MYO16: variants seen among roughly 807,000 people sequenced by gnomAD.
The protein encoded by MYO16 is unconventional myosin-XVI.
In MYO16, 94 loss-of-function variants were observed where a neutral mutation model predicts 205.3. The ratio of observed to expected loss-of-function variants is 0.46; its 90% CI spans 0.39 to 0.54. The LOEUF is 0.54. Ranked by LOEUF, MYO16 falls within the 20% of genes least tolerant of loss-of-function variation. The pLI is 0.00. For synonymous variants in MYO16, 988 were observed against 954.0 expected, an observed-to-expected ratio of 1.04 and a Z score of -0.66; for missense variants, 2,315 against 2,387.5, an observed-to-expected ratio of 0.97 and a Z score of 0.63.
chr13:108,835,305 C>A (rs984213684), intron 9 of MYO16, among the ~76,000 whole-genome samples: 3 of 152,170 alleles, frequency 2.0e-5, no homozygotes, highest in Admixed American at 1.3e-4. Flanking sequence ...GGCATTTCCC[C>A]CTGCTGGCAC....
the MYO16 span, among the ~76,000 whole-genome samples, chr13:108,559,750 G>A: frequency 1.3e-5 from 2 of 152,026 alleles, no homozygotes; most frequent in Non-Finnish European, 2.9e-5. Flanking sequence ...GATTACAGGT[G>A]TGAGCCACAG....
At chr13:109,190,300 G>A (rs72658220) in intron 34 of MYO16, among the ~76,000 whole-genome samples, 1,777 of 152,208 alleles carry the variant, frequency 0.012, 19 homozygotes, top group Middle Eastern at 0.02. Context: ...CATTTTTTCT[G>A]TACGGATAAC....
intron 1 of MYO16, among the ~76,000 whole-genome samples, chr13:108,635,063 C>CATT (rs1183607988): frequency 6.6e-6 from 1 of 152,122 alleles, no homozygotes; most frequent in Non-Finnish European, 1.5e-5. Context: ...TTTTGACAGG[C>CATT]ATTAAGACAT....
chr13:109,100,696 G>C (rs547154110), intron 27 of MYO16, 89 bp from the exon 28 acceptor site: 1,614 of 1,028,416 alleles, frequency 1.6e-3, no homozygotes, highest in Non-Finnish European at 2.1e-3. Flanking sequence ...AAACTTTTGG[G>C]AAACGATGTA....
At chr13:109,171,173 G>C (rs1383092497) in intron 33 of MYO16, among the ~76,000 whole-genome samples, 1 of 152,136 alleles carries the variant, frequency 6.6e-6, no homozygotes, top group Non-Finnish European at 1.5e-5. Context: ...TGTTTGTTAC[G>C]GAGGAACCAG....
intron 1 of MYO16, among the ~76,000 whole-genome samples, chr13:108,606,537 G>A (rs1878965321): frequency 6.6e-6 from 1 of 152,174 alleles, no homozygotes; most frequent in South Asian, 2.1e-4. Context: ...CTGGGTACAC[G>A]GAAGTCAAGA....
In MYO16 at chr13:108,635,230, G is replaced by C. The variant is rs551092144; in HGVS notation, c.28+5358G>C. Among the ~76,000 whole-genome samples, 19 of 152,242 alleles carry C rather than the reference G, an allele frequency of 1.2e-4. 1 individual carries two copies. In the South Asian group the frequency reaches 3.9e-3, roughly 32 times the overall value. On this transcript the variant is annotated intron_variant, in intron 1 of 34. Transcript: ENST00000457511. ...ACCACAACCAGCAATCAAAGGACTCGCATCACTGCACCTCAGCCAACCCGG... is the reference window on the plus strand; with the variant it reads ...ACCACAACCAGCAATCAAAGGACTCCCATCACTGCACCTCAGCCAACCCGG...
At chr13:109,078,217 C>A (rs73618349) in intron 27 of MYO16, among the ~76,000 whole-genome samples, 3 of 149,994 alleles carry the variant, frequency 2.0e-5, no homozygotes, top group Non-Finnish European at 4.4e-5. Flanking sequence ...ATTGCCTGAG[C>A]TGAGTTTGAG....
intron 5 of MYO16, among the ~76,000 whole-genome samples, 157 bp from the exon 6 acceptor site, chr13:108,793,359 T>C (rs190739270): frequency 6.6e-6 from 1 of 151,700 alleles, no homozygotes; most frequent in African/African-American, 2.4e-5. Context: ...AAATAGAATA[T>C]GTACAAAGAT....
intron 2 of MYO16, among the ~76,000 whole-genome samples, chr13:108,707,080 T>G (rs968485611): frequency 6.6e-6 from 1 of 152,078 alleles, no homozygotes; most frequent in Admixed American, 6.5e-5. Context: ...CTGAATCAAA[T>G]CAGAAGCAAT....
chr13:108,520,702 C>A, the MYO16 span, among the ~76,000 whole-genome samples: 1 of 152,268 alleles, frequency 6.6e-6, no homozygotes, highest in South Asian at 2.1e-4. Context: ...TTAACACACC[C>A]TGTAGTATGG....
chr13:108,549,834 C>A, the MYO16 span, among the ~76,000 whole-genome samples: 1 of 152,094 alleles, frequency 6.6e-6, no homozygotes, highest in Admixed American at 6.5e-5. Context: ...TTTAAAAGAC[C>A]CTAATATGTT....
Position 109,113,197 on chromosome 13 carries a change from C to G in MYO16, c.3439-7173C>G, listed in dbSNP as rs187438698. 3.2e-3 allele frequency among the ~76,000 whole-genome samples: 490 copies of G among 152,264 alleles called. 1 individual carries two copies. Among genetic ancestry groups the G allele is most frequent in the African/African-American group, 0.011 (477 of 41,552 alleles). On this transcript the variant is annotated intron_variant, in intron 28 of 34. Coordinates refer to ENST00000457511, the MANE Select transcript of MYO16 (RefSeq NM_001198950.3). ...TAGAAGCCTACTATACAACATTTCA[C>G]TGCTATTTAACAACACTGCATTATA...
chr13:108,642,162 C>A (rs565754609), intron 1 of MYO16, among the ~76,000 whole-genome samples: 1 of 152,214 alleles, frequency 6.6e-6, no homozygotes, highest in South Asian at 2.1e-4. Context: ...TTCTCCTTAC[C>A]GTTATTCTTT....
intron 27 of MYO16, among the ~76,000 whole-genome samples, chr13:109,100,299 T>C (rs1888920570): frequency 6.6e-6 from 1 of 152,182 alleles, no homozygotes; most frequent in South Asian, 2.1e-4. Flanking sequence ...CGATATATAA[T>C]ATATGGGGAA....
At chr13:108,589,854 G>A in the MYO16 span, among the ~76,000 whole-genome samples, 6 of 152,248 alleles carry the variant, frequency 3.9e-5, no homozygotes, top group East Asian at 1.2e-3. Flanking sequence ...TTCCTTCGGA[G>A]CAAAATTACA....
intron 4 of MYO16, among the ~76,000 whole-genome samples, chr13:108,777,095 T>C (rs917019334): frequency 1.3e-5 from 2 of 152,120 alleles, no homozygotes; most frequent in South Asian, 2.1e-4. Context: ...TTATAATTAG[T>C]ATAGCCTGCT....
At chr13:109,137,111 G>C (rs1273299141) in intron 31 of MYO16, among the ~76,000 whole-genome samples, 1 of 152,194 alleles carries the variant, frequency 6.6e-6, no homozygotes, top group Non-Finnish European at 1.5e-5. Context: ...GGAGCAGATA[G>C]GAGTCCTCTG....
chr13:109,111,283 A>G (rs142370272), intron 28 of MYO16, among the ~76,000 whole-genome samples: 185 of 152,332 alleles, frequency 1.2e-3, no homozygotes, highest in East Asian at 0.011. Context: ...TGACATTCTG[A>G]GATCAGCAGG....
Sources: allele counts gnomAD v4.1 joint callset (sites outside exome capture counted in the v4.1 genomes callset), GRCh38; gene constraint gnomAD v4.1.1; transcripts MANE v1.5; gene names NCBI Gene and HGNC (gene_info 2026-07-23, HGNC 2026-07-21).